OTUD7A: variants seen among roughly 807,000 people sequenced by gnomAD.
OTUD7A encodes OTU deubiquitinase 7A.
Under a neutral mutation model 65.7 loss-of-function variants are expected in OTUD7A, and 12 were observed. The ratio of observed to expected loss-of-function variants is 0.18; its 90% confidence interval spans 0.12 to 0.30. OTUD7A has a LOEUF of 0.30. Ranked by LOEUF, OTUD7A falls within the 10% of genes least tolerant of loss-of-function variation. The pLI is 1.00. For missense variants in OTUD7A, 1,148 were observed against 1,304.8 expected (o/e 0.88, Z 1.85); for synonymous variants, 641 against 586.3 (o/e 1.09, Z -1.35).
At chr15:31,717,640 C>T (rs1456919388) in intron 1 of OTUD7A, among the ~76,000 whole-genome samples, 4 of 152,258 alleles carry the variant, frequency 2.6e-5, no homozygotes, top group Non-Finnish European at 4.4e-5. Flanking sequence ...CAATCTATCA[C>T]TGATAGGCAT....
chr15:31,515,410 C>T (rs1459201), intron 8 of OTUD7A, among the ~76,000 whole-genome samples: 79,163 of 151,858 alleles, frequency 0.52, 20,823 homozygotes, highest in African/African-American at 0.59. Context: ...ACAGCATTCT[C>T]CTCATGCAAA....
chr15:31,820,197 T>C (rs1174840591), intron 1 of OTUD7A, among the ~76,000 whole-genome samples: 1 of 152,196 alleles, frequency 6.6e-6, no homozygotes, highest in African/African-American at 2.4e-5. Context: ...CAATGGAGCA[T>C]ATAAATTACT....
At chr15:31,827,835 G>A (rs1256066733) in intron 1 of OTUD7A, among the ~76,000 whole-genome samples, 3 of 85,616 alleles carry the variant, frequency 3.5e-5, no homozygotes, top group Admixed American at 1.5e-4. Context: ...ACTGTGGCAG[G>A]AGAATTGCTT....
intron 1 of OTUD7A, among the ~76,000 whole-genome samples, chr15:31,658,613 G>A (rs1367793998): frequency 1.3e-5 from 2 of 152,144 alleles, no homozygotes; most frequent in Non-Finnish European, 2.9e-5. Flanking sequence ...AGGTCTCAGA[G>A]ACCAACTGCT....
intron 1 of OTUD7A, among the ~76,000 whole-genome samples, chr15:31,838,345 G>T (rs1897104261): frequency 6.6e-6 from 1 of 152,172 alleles, no homozygotes; most frequent in Non-Finnish European, 1.5e-5. Context: ...GAGGCTAAAG[G>T]TTAGTCATCT....
chr15:31,819,728 G>A (rs1313249093), intron 1 of OTUD7A, among the ~76,000 whole-genome samples: 1 of 151,372 alleles, frequency 6.6e-6, no homozygotes, highest in Non-Finnish European at 1.5e-5. Context: ...TATTATACAG[G>A]TAACATAAAC....
intron 1 of OTUD7A, among the ~76,000 whole-genome samples, chr15:31,695,193 T>G (rs1162317374): frequency 4.5e-5 from 6 of 132,356 alleles, no homozygotes; most frequent in Non-Finnish European, 1.1e-4. Flanking sequence ...CACAGGGTGG[T>G]TCCATGTCTT....
At chr15:31,789,783 G>A (rs572516702) in intron 1 of OTUD7A, among the ~76,000 whole-genome samples, 1 of 146,604 alleles carries the variant, frequency 6.8e-6, no homozygotes, top group African/African-American at 2.5e-5. Context: ...TCTGCTCACT[G>A]CAACCTCCAC....
intron 1 of OTUD7A, among the ~76,000 whole-genome samples, chr15:31,870,210 A>AGCGCCGCGCCCTGCCCGAGAGAGGC (rs1897990672): frequency 6.7e-6 from 1 of 149,002 alleles, no homozygotes; most frequent in Non-Finnish European, 1.5e-5. Context: ...ACCCAGCGGT[A>AGCGCCGCGCCCTGCCCGAGAGAGGC]GCGCCGCGCC....
In OTUD7A at chr15:31,482,830, C is replaced by G. The variant is rs544206080; in HGVS notation, c.*464G>C. 6.6e-6 allele frequency: 1 copy of G among 152,164 alleles called. No individual in the cohort carries two copies. Among genetic ancestry groups the G allele is most frequent in the African/African-American group, 2.4e-5 (1 of 41,518 alleles). 9.4% of individuals were successfully genotyped at this position (152,164 alleles called of 1,614,324 possible). ...GTAGAGCTCACAGAGGAGCCTCCACCGCAGCCCCGGGTGCGCGCTCGCTCT... is the reference window on the plus strand; with the variant it reads ...GTAGAGCTCACAGAGGAGCCTCCACGGCAGCCCCGGGTGCGCGCTCGCTCT... On this transcript the variant is annotated 3_prime_UTR_variant, in exon 13 of 13. Coordinates refer to ENST00000307050, the MANE Select transcript of OTUD7A (RefSeq NM_001382637.1).
intron 1 of OTUD7A, among the ~76,000 whole-genome samples, chr15:31,781,621 A>G (rs750080962): frequency 2.0e-5 from 3 of 151,898 alleles, no homozygotes; most frequent in Non-Finnish European, 2.9e-5. Context: ...CGTCAGTCAC[A>G]CTTCTTCTGA....
intron 1 of OTUD7A, among the ~76,000 whole-genome samples, chr15:31,777,394 A>C (rs1895412699): frequency 6.6e-6 from 1 of 152,170 alleles, no homozygotes; most frequent in Non-Finnish European, 1.5e-5. Flanking sequence ...AGGTTATCCA[A>C]ATGGTCAACG....
chr15:31,576,593 TA>T (rs1306043088), intron 3 of OTUD7A, among the ~76,000 whole-genome samples: 1 of 152,144 alleles, frequency 6.6e-6, no homozygotes, highest in Non-Finnish European at 1.5e-5. Flanking sequence ...CTAAAGTGTA[TA>T]AAACCCCACT....
At chr15:31,851,988 A>G (rs1303142020) in intron 1 of OTUD7A, among the ~76,000 whole-genome samples, 1 of 152,148 alleles carries the variant, frequency 6.6e-6, no homozygotes, top group Non-Finnish European at 1.5e-5. Context: ...CCTCCCTAGT[A>G]GCTGAGATTA....
chr15:31,519,150 G>A (rs544701138), intron 8 of OTUD7A, among the ~76,000 whole-genome samples: 16 of 152,160 alleles, frequency 1.1e-4, no homozygotes, highest in East Asian at 3.9e-4. Flanking sequence ...GTGCACGCAC[G>A]CGCACTCACA....
chr15:31,822,589 C>G (rs1280709270), intron 1 of OTUD7A, among the ~76,000 whole-genome samples: 2 of 152,158 alleles, frequency 1.3e-5, no homozygotes, highest in African/African-American at 4.8e-5. Flanking sequence ...AGAGAAGAAA[C>G]ATCACAAATA....
chr15:31,806,463 T>C (rs770497174), intron 1 of OTUD7A, among the ~76,000 whole-genome samples: 8 of 152,216 alleles, frequency 5.3e-5, no homozygotes, highest in Non-Finnish European at 7.3e-5. Flanking sequence ...GTTTAATATA[T>C]TGAACCAGAC....
At chr15:31,506,142 T>C (rs944773357) in intron 8 of OTUD7A, among the ~76,000 whole-genome samples, 16 of 152,148 alleles carry the variant, frequency 1.1e-4, no homozygotes, top group Admixed American at 9.8e-4. Flanking sequence ...TGTTAATTTT[T>C]GTAGTGCTTT....
At chr15:31,734,177 C>T (rs887833405) in intron 1 of OTUD7A, among the ~76,000 whole-genome samples, 6 of 151,996 alleles carry the variant, frequency 3.9e-5, no homozygotes, top group Admixed American at 1.3e-4. Flanking sequence ...GAATAAAATA[C>T]CAAGGAATAC....
Sources: allele counts gnomAD v4.1 joint callset (sites outside exome capture counted in the v4.1 genomes callset), GRCh38; gene constraint gnomAD v4.1.1; transcripts MANE v1.5; gene names NCBI Gene and HGNC (gene_info 2026-07-23, HGNC 2026-07-21).